Variants in DMXL1 observed in about 807,000 individuals in gnomAD.
DMXL1 encodes the protein dmX-like protein 1.
DMXL1 carries 99 observed loss-of-function variants against 319.2 expected under a neutral mutation model. That is an observed-to-expected ratio of 0.31 (90% CI 0.26 to 0.37). DMXL1 has a LOEUF of 0.37. DMXL1 is among the 10% of genes least tolerant of loss of function. DMXL1 has a pLI of 1.00. For missense variants in DMXL1, 3,745 were observed against 3,595.6 expected (o/e 1.04, Z -1.06); for synonymous variants, 1,385 against 1,235.2 (o/e 1.12, Z -2.54).
At chr5:119,178,700 G>A (rs1362746945) in intron 28 of DMXL1, 1 of 971,348 alleles carries the variant, frequency 1.0e-6, no homozygotes, top group Non-Finnish European at 1.2e-6. Flanking sequence ...CAAGATATGA[G>A]CTTTAGAAAT....
Position 119,197,880 on chromosome 5 carries a change from G to A in DMXL1, c.7669G>A (p.Ala2557Thr), listed in dbSNP as rs754828432. 23 of 1,613,990 alleles carry A rather than the reference G, an allele frequency of 1.4e-5. No homozygotes were observed. The highest frequency in any genetic ancestry group is 9.9e-5 in the South Asian group (9 of 91,086). The change falls in exon 32 of 44, where the codon GCC becomes ACC. Residue 2557 changes from alanine (A) to threonine (T), a missense_variant. Physicochemically the swap from Ala to Thr is moderately conservative, Grantham distance 58. Transcript: ENST00000539542. Reference sequence around the variant, plus strand: ...TCAAAATTATATCGCAAGTCATACCGCCGAAGAGAGTTTGTCTGCAGGTCC... The same window carrying A: ...TCAAAATTATATCGCAAGTCATACCACCGAAGAGAGTTTGTCTGCAGGTCC... ...PPQNYIASHT[A>T]EESLSAGPAI...
At chr5:119,109,364 C>T (rs962857302) in intron 4 of DMXL1, among the ~76,000 whole-genome samples, 26 of 152,088 alleles carry the variant, frequency 1.7e-4, no homozygotes, top group Admixed American at 1.7e-3. Context: ...TGTTGACTGC[C>T]CCTCTTCCAG....
chr5:119,185,313 A>G (rs541025669), intron 28 of DMXL1, among the ~76,000 whole-genome samples: 3 of 152,280 alleles, frequency 2.0e-5, no homozygotes, highest in Admixed American at 6.5e-5. Flanking sequence ...TTGTACAACT[A>G]CCGTGGAGAC....
In DMXL1 at chr5:119,118,864, C is replaced by T; in HGVS notation, c.793C>T (p.Arg265Cys). ...LLTCCKDNVC[R>C]LWVETFLPND... ...GACTTGCTGCAAAGATAATGTGTGT[C>T]GTCTTTGGGTAGAGACATTTTTACC... The change falls in exon 8 of 44, where the codon CGT becomes TGT. Residue 265 changes from arginine (R) to cysteine (C), a missense_variant. Arg to Cys is a radical substitution (Grantham distance 180). Around this residue, in one of 4 missense-constraint regions of DMXL1, gnomAD observed 2,096 missense variants for 1,985.4 expected, o/e 1.06. Transcript: ENST00000539542. The T allele has an allele frequency of 6.2e-7, 1 of 1,613,712 alleles. No individual in the cohort carries two copies. Among genetic ancestry groups the T allele is most frequent in the Non-Finnish European group, 8.5e-7 (1 of 1,179,830 alleles).
chr5:119,174,260 C>T (rs577208122), intron 25 of DMXL1, among the ~76,000 whole-genome samples: 1 of 152,098 alleles, frequency 6.6e-6, no homozygotes, highest in Non-Finnish European at 1.5e-5. Context: ...ATGGTAGTTT[C>T]AGGGGTTCAA....
chr5:119,182,290 A>G (rs531586720), intron 28 of DMXL1, among the ~76,000 whole-genome samples: 2 of 152,384 alleles, frequency 1.3e-5, no homozygotes, highest in East Asian at 1.9e-4. Flanking sequence ...TGACAAATCT[A>G]GAATATTTCA....
At chr5:119,118,053 G>C (rs1761227329) in intron 7 of DMXL1, among the ~76,000 whole-genome samples, 1 of 152,190 alleles carries the variant, frequency 6.6e-6, no homozygotes, top group African/African-American at 2.4e-5. Context: ...TAGGGTTTCA[G>C]GCTTTGAGCT....
chr5:119,149,144 T>A lies in DMXL1; in HGVS notation c.3317T>A (p.Leu1106Ter). 1 of 1,613,930 alleles carries A rather than the reference T, an allele frequency of 6.2e-7. No individual in the cohort carries two copies. Among genetic ancestry groups the A allele is most frequent in the Non-Finnish European group, 8.5e-7 (1 of 1,179,854 alleles). ...TIHLDELSTVLDSGISVDSNL... is the reference protein window; with the variant it reads ...TIHLDELSTV ...CATTTAGATGAGTTAAGCACAGTATTGGATTCTGGCATTAGTGTTGATAGC... is the reference window on the plus strand; with the variant it reads ...CATTTAGATGAGTTAAGCACAGTATAGGATTCTGGCATTAGTGTTGATAGC... Residue 1106 changes from leucine to a stop codon, truncating the protein, a stop_gained, in exon 18 of 44, where the codon TTG (leucine) becomes TAG (stop). Coordinates refer to ENST00000539542, the MANE Select transcript of DMXL1 (RefSeq NM_001290321.3). LOFTEE classifies it high-confidence loss of function.
intron 13 of DMXL1, among the ~76,000 whole-genome samples, chr5:119,139,225 G>T (rs1436514461): frequency 6.6e-6 from 1 of 152,068 alleles, no homozygotes; most frequent in African/African-American, 2.4e-5. Flanking sequence ...AACCACACAA[G>T]CCAGCATAGT....
chr5:119,110,035 A>G (rs1426648459), intron 4 of DMXL1, 116 bp from the exon 5 acceptor site: 4 of 903,152 alleles, frequency 4.4e-6, no homozygotes, highest in South Asian at 3.7e-5. Flanking sequence ...GTTCTTCAAA[A>G]TTTTTTTTGA....
chr5:119,124,057 C>G (rs1263249789), intron 9 of DMXL1, among the ~76,000 whole-genome samples: 1 of 151,446 alleles, frequency 6.6e-6, no homozygotes, highest in Non-Finnish European at 1.5e-5. Context: ...ACCTGTAATC[C>G]CAACACTTTG....
chr5:119,238,773 A>T, intron 40 of DMXL1: 1 of 473,362 alleles, frequency 2.1e-6, no homozygotes, highest in Non-Finnish European at 2.8e-6. Context: ...GGCAAAACAA[A>T]TGTGCCAAAA....
At chr5:119,162,348 T>A (rs541043639) in intron 19 of DMXL1, among the ~76,000 whole-genome samples, 2 of 152,220 alleles carry the variant, frequency 1.3e-5, no homozygotes, top group Non-Finnish European at 2.9e-5. Context: ...GGGGCTTCTA[T>A]AACAAATATC....
chr5:119,235,824 G>A (rs905375612), intron 39 of DMXL1, among the ~76,000 whole-genome samples: 11 of 152,018 alleles, frequency 7.2e-5, no homozygotes, highest in Admixed American at 2.6e-4. Context: ...ACAAGGAATG[G>A]GAACTGAGTC....
intron 1 of DMXL1, among the ~76,000 whole-genome samples, chr5:119,073,235 C>G (rs1750048408): frequency 6.6e-6 from 1 of 152,076 alleles, no homozygotes; most frequent in Non-Finnish European, 1.5e-5. Context: ...GCTAAGTTTT[C>G]TATTTTTTGT....
At chr5:119,105,412 A>G (rs1346347960) in intron 4 of DMXL1, among the ~76,000 whole-genome samples, 154 bp downstream of exon 4, 1 of 152,202 alleles carries the variant, frequency 6.6e-6, no homozygotes, top group Non-Finnish European at 1.5e-5. Context: ...GTTTATACTG[A>G]AATGAAGACA....
At chr5:119,194,939 C>A (rs996070224) in intron 30 of DMXL1, among the ~76,000 whole-genome samples, 3 of 151,868 alleles carry the variant, frequency 2.0e-5, no homozygotes, top group Non-Finnish European at 4.4e-5. Context: ...ATAGACATTT[C>A]TCCAAAGACG....
intron 1 of DMXL1, among the ~76,000 whole-genome samples, chr5:119,082,020 T>TACACACACAC (rs565047535): frequency 1.3e-4 from 14 of 108,142 alleles, no homozygotes; most frequent in Non-Finnish European, 2.3e-4. Context: ...TATATATATA[T>TACACACACAC]ACACACACAC....
intron 14 of DMXL1, among the ~76,000 whole-genome samples, chr5:119,144,236 A>G (rs917603644): frequency 1.3e-5 from 2 of 151,872 alleles, no homozygotes; most frequent in African/African-American, 4.8e-5. Context: ...TTCCTCATCC[A>G]TGGTTATTGA....
Sources: allele counts gnomAD v4.1 joint callset (sites outside exome capture counted in the v4.1 genomes callset), GRCh38; gene constraint gnomAD v4.1.1; regional missense constraint gnomAD v4.1.1; transcripts MANE v1.5; gene names NCBI Gene and HGNC (gene_info 2026-07-23, HGNC 2026-07-21).